Variants in AAK1 observed in about 807,000 individuals in gnomAD.
AAK1 encodes AP2 associated kinase 1.
Under a neutral mutation model 116.0 loss-of-function variants are expected in AAK1, and 37 were observed. The ratio of observed to expected loss-of-function variants is 0.32; its 90% CI spans 0.25 to 0.42. AAK1 has a LOEUF of 0.42. Among genes scored for constraint, AAK1 ranks in the 10% least tolerant of loss-of-function variants. AAK1 has a pLI of 1.00. For synonymous variants in AAK1, 458 were observed against 439.9 expected (o/e 1.04, Z -0.51); for missense variants, 919 against 1,170.6 (o/e 0.79, Z 3.14).
At chr2:69,540,667 T>C (rs1374843110) in intron 5 of AAK1, among the ~76,000 whole-genome samples, 2 of 152,222 alleles carry the variant, frequency 1.3e-5, no homozygotes, top group Middle Eastern at 3.2e-3. Context: ...CGTAAAATAG[T>C]GTGACTACTT....
intron 2 of AAK1, among the ~76,000 whole-genome samples, chr2:69,587,667 T>C (rs981117741): frequency 4.6e-5 from 7 of 151,914 alleles, no homozygotes; most frequent in Non-Finnish European, 8.8e-5. Flanking sequence ...GGTTTCGCCA[T>C]GTTAGCCAGA....
At chr2:69,597,143 G>A (rs1475122551) in intron 2 of AAK1, among the ~76,000 whole-genome samples, 2 of 152,050 alleles carry the variant, frequency 1.3e-5, no homozygotes, top group South Asian at 2.1e-4. Context: ...AATTCTACAG[G>A]TGTGTGTTTT....
chr2:69,623,188 G>A (rs1674739193), intron 2 of AAK1, among the ~76,000 whole-genome samples: 1 of 152,134 alleles, frequency 6.6e-6, no homozygotes, highest in African/African-American at 2.4e-5. Context: ...CCACCAGAAG[G>A]AAGAAACTCT....
rs776478388 is a variant in AAK1, at chr2:69,471,315, CAA to C, written c.*4552_*4553del. On this transcript the variant is annotated 3_prime_UTR_variant, in exon 22 of 22. Coordinates refer to ENST00000409085, the MANE Select transcript of AAK1 (RefSeq NM_014911.5). ...TTAGTGAAAGGAAATCTGGGAGAAG[CAA>C]AAGAGGTTTCTTGTTATAGATTTCC... 8 of 985,414 alleles carry C rather than the reference CAA, an allele frequency of 8.1e-6. No individual in the cohort carries two copies. Among genetic ancestry groups the C allele is most frequent in the Non-Finnish European group, 7.2e-6 (6 of 829,920 alleles). The allele number at this position is 985,414 out of a possible 1,614,324, so 61.0% of individuals were successfully genotyped here.
At chr2:69,536,909 T>A (rs1670497523) in intron 5 of AAK1, among the ~76,000 whole-genome samples, 1 of 152,224 alleles carries the variant, frequency 6.6e-6, no homozygotes, top group African/African-American at 2.4e-5. Flanking sequence ...CTTCATGAGA[T>A]CAAAATCTCT....
chr2:69,575,259 A>C (rs1672257834), intron 2 of AAK1, among the ~76,000 whole-genome samples: 1 of 152,142 alleles, frequency 6.6e-6, no homozygotes, highest in South Asian at 2.1e-4. Context: ...AGCACCAATC[A>C]ATGAACTGAA....
intron 2 of AAK1, among the ~76,000 whole-genome samples, chr2:69,626,827 G>T (rs1364431375): frequency 6.6e-6 from 1 of 152,010 alleles, no homozygotes; most frequent in East Asian, 1.9e-4. Context: ...TTTTACTTAG[G>T]ATTTATTTTC....
chr2:69,560,643 G>C (rs1572957929), intron 2 of AAK1, among the ~76,000 whole-genome samples: 1 of 152,276 alleles, frequency 6.6e-6, no homozygotes, highest in Non-Finnish European at 1.5e-5. Flanking sequence ...TAAATATGTA[G>C]GATTTTTTTT....
intron 12 of AAK1, among the ~76,000 whole-genome samples, chr2:69,515,434 T>A (rs1188178158): frequency 6.6e-6 from 1 of 152,114 alleles, no homozygotes; most frequent in East Asian, 1.9e-4. Context: ...CAAGTGATCA[T>A]TCCACCTCAG....
At chr2:69,634,614 G>A (rs1675367312) in intron 2 of AAK1, among the ~76,000 whole-genome samples, 3 of 152,158 alleles carry the variant, frequency 2.0e-5, no homozygotes, top group South Asian at 2.1e-4. Context: ...AACCCCAAAA[G>A]GCAATTACAT....
intron 2 of AAK1, among the ~76,000 whole-genome samples, chr2:69,615,040 T>C (rs1674261002): frequency 6.6e-6 from 1 of 152,160 alleles, no homozygotes; most frequent in South Asian, 2.1e-4. Context: ...TTGTGGTCAT[T>C]TGTTACTGTG....
chr2:69,590,961 T>C (rs572447745), intron 2 of AAK1, among the ~76,000 whole-genome samples: 84 of 152,288 alleles, frequency 5.5e-4, no homozygotes, highest in African/African-American at 2.0e-3. Context: ...GCACCTACTA[T>C]GGAAAGATGA....
chr2:69,541,835 A>C (rs1370550493), intron 5 of AAK1, among the ~76,000 whole-genome samples: 1 of 152,236 alleles, frequency 6.6e-6, no homozygotes, highest in Non-Finnish European at 1.5e-5. Context: ...CGGTAGAATG[A>C]AAAGAAATTG....
At chr2:69,642,766 G>T in intron 2 of AAK1, 112 bp downstream of exon 2, 2 of 1,416,756 alleles carry the variant, frequency 1.4e-6, no homozygotes, top group Non-Finnish European at 1.9e-6. Context: ...AAGTGAAGGG[G>T]GAAGGGAGGG....
At chr2:69,494,748 C>T (rs1271362396) in intron 17 of AAK1, among the ~76,000 whole-genome samples, 1 of 152,156 alleles carries the variant, frequency 6.6e-6, no homozygotes, top group East Asian at 1.9e-4. Flanking sequence ...TTTTAACTAC[C>T]CTGTATTGAA....
Position 69,465,510 on chromosome 2 carries a change from G to C in AAK1, c.*10359C>G. 1 of 1,290,944 alleles carries C rather than the reference G, an allele frequency of 7.7e-7. No homozygotes were observed. Among genetic ancestry groups the C allele is most frequent in the Non-Finnish European group, 1.0e-6 (1 of 988,898 alleles). 80.0% of individuals were successfully genotyped at this position (1,290,944 alleles called of 1,614,324 possible). ...CAGCTCCGTAGTCCTGGAGGAAAGG[G>C]ATGTGATAGAAACAGACCCAGCTAT... is the stretch of plus-strand genomic sequence containing the variant. On this transcript the variant is annotated 3_prime_UTR_variant, in exon 22 of 22. Coordinates refer to ENST00000409085, the MANE Select transcript of AAK1 (RefSeq NM_014911.5).
intron 2 of AAK1, among the ~76,000 whole-genome samples, chr2:69,635,314 G>A (rs1296401797): frequency 1.3e-5 from 2 of 152,208 alleles, no homozygotes; most frequent in Non-Finnish European, 2.9e-5. Flanking sequence ...TGAGAATGAG[G>A]AATAACTGGA....
chr2:69,495,039 C>A (rs1236710422), intron 17 of AAK1, among the ~76,000 whole-genome samples: 1 of 152,118 alleles, frequency 6.6e-6, no homozygotes, highest in East Asian at 1.9e-4. Flanking sequence ...AAAAACCAAG[C>A]CAGTCCTGTC....
intron 16 of AAK1, among the ~76,000 whole-genome samples, chr2:69,499,038 A>C (rs1199744372): frequency 6.6e-6 from 1 of 152,138 alleles, no homozygotes; most frequent in Non-Finnish European, 1.5e-5. Flanking sequence ...GCCATGTCCT[A>C]CCCAGTGGCC....
Sources: gnomAD v4.1 joint callset for allele counts (sites outside exome capture counted in the v4.1 genomes callset) on GRCh38, gnomAD v4.1.1 for gene constraint, MANE v1.5 for transcripts, NCBI Gene and HGNC (gene_info 2026-07-23, HGNC 2026-07-21) for gene names.